Variants in POLR3A observed in about 807,000 individuals in gnomAD.
The protein encoded by POLR3A is RNA polymerase III subunit A.
Under a neutral mutation model 152.8 loss-of-function variants are expected in POLR3A, and 112 were observed. The ratio of observed to expected loss-of-function variants is 0.73; its 90% CI spans 0.63 to 0.86. The LOEUF is 0.86. POLR3A is among the 40% of genes least tolerant of loss of function. The pLI is 0.00. For synonymous variants in POLR3A, 615 were observed against 652.1 expected, an observed-to-expected ratio of 0.94 and a Z score of 0.87; for missense variants, 1,385 against 1,743.1, an observed-to-expected ratio of 0.79 and a Z score of 3.66.
chr10:77,991,080 G>A lies in POLR3A; in HGVS notation c.2875C>T (p.Leu959Phe). Residue 959 changes from leucine (L) to phenylalanine (F), a missense_variant, in exon 21 of 31, where the codon CTC becomes TTC. Around this residue, in one of 7 missense-constraint regions of POLR3A, gnomAD observed 178 missense variants for 204.6 expected, o/e 0.87. Coordinates refer to ENST00000372371, the MANE Select transcript of POLR3A (RefSeq NM_007055.4). ...TGCAGGAAGCTGTCCTGGCAGCAGA[G>A]GAACTCACTCTTCTTCATGATGGAC... ...TESIMKKSEF[L>F]CCQDSFLQEI... 6.2e-7 allele frequency: 1 copy of A among 1,611,380 alleles called. No individual in the cohort carries two copies. The highest frequency in any genetic ancestry group is 1.1e-5 in the South Asian group (1 of 91,020).
rs1847553827 is a variant in POLR3A at position 78,019,185 on chromosome 10, CTGAA to C, written c.1262_1265del (p.Ile421SerfsTer7). On this transcript the variant is annotated frameshift_variant, in exon 9 of 31. Transcript: ENST00000372371. LOFTEE classifies it high-confidence loss of function. ...ACCTTTTCATCTGCGTATGTCTCTG[CTGAA>C]TGAAGTTTGCTCCTGGGTGAACCTC... 1 of 1,612,754 alleles carries C rather than the reference CTGAA, an allele frequency of 6.2e-7. No individual in the cohort carries two copies.
chr10:78,007,402 G>A (rs1351464147), intron 15 of POLR3A, among the ~76,000 whole-genome samples: 1 of 152,214 alleles, frequency 6.6e-6, no homozygotes, highest in African/African-American at 2.4e-5. Context: ...CTTCCACAGG[G>A]ACCTTGGAAG....
intron 10 of POLR3A, 30 bp downstream of exon 10, chr10:78,017,545 A>G: frequency 6.2e-7 from 1 of 1,612,218 alleles, no homozygotes; most frequent in Non-Finnish European, 8.5e-7. Flanking sequence ...TTTCTACGTG[A>G]TGGAAAATTT....
intron 2 of POLR3A, 106 bp downstream of exon 2, chr10:78,025,988 G>A: frequency 7.2e-7 from 1 of 1,390,686 alleles, no homozygotes; most frequent in Non-Finnish European, 1.0e-6. Flanking sequence ...TGTGCAGGGG[G>A]GAATTGAGGA....
intron 19 of POLR3A, among the ~76,000 whole-genome samples, chr10:77,997,669 T>C (rs1161877779): frequency 1.3e-5 from 2 of 152,150 alleles, no homozygotes; most frequent in Non-Finnish European, 2.9e-5. Context: ...TACAAACAAA[T>C]GGAGAACATT....
intron 2 of POLR3A, 91 bp from the exon 3 acceptor site, chr10:78,025,850 T>C: frequency 1.6e-6 from 2 of 1,275,202 alleles, no homozygotes; most frequent in Non-Finnish European, 2.3e-6. Flanking sequence ...CACAGAATCA[T>C]TTCTTTTGCT....
Position 78,026,183 on chromosome 10 carries a change from G to C in POLR3A, c.91C>G (p.Gln31Glu), listed in dbSNP as rs546487084. 4.3e-6 allele frequency: 7 copies of C among 1,614,184 alleles called. No homozygotes were observed. Among genetic ancestry groups the C allele is most frequent in the East Asian group, 4.5e-5 (2 of 44,890 alleles). The change falls in exon 2 of 31, where the codon CAG becomes GAG. Residue 31 changes from glutamine (Q) to glutamate (E), a missense_variant. By Grantham distance (29) the Gln-to-Glu change is conservative. Coordinates refer to ENST00000372371, the MANE Select transcript of POLR3A (RefSeq NM_007055.4). ...TTACTCACAACTTGGATGTGCGCCTGCTGGCGCATCTCCTCAGGTGACTTC... is the reference window on the plus strand; with the variant it reads ...TTACTCACAACTTGGATGTGCGCCTCCTGGCGCATCTCCTCAGGTGACTTC... ...GMKSPEEMRQ[Q>E]AHIQVVSKNL...
At chr10:77,982,348 G>A (rs183094011) in intron 27 of POLR3A, 30 bp from the exon 28 acceptor site, 65 of 1,611,508 alleles carry the variant, frequency 4.0e-5, no homozygotes, top group Non-Finnish European at 4.8e-5. Flanking sequence ...AAGCTGTGAG[G>A]ACGGGGTGAG....
Position 78,021,110 on chromosome 10 carries a change from G to A in POLR3A, c.1185+436C>T, listed in dbSNP as rs112732411. 1.3e-3 allele frequency among the ~76,000 whole-genome samples: 199 copies of A among 152,096 alleles called. 1 individual carries two copies. Among genetic ancestry groups the A allele is most frequent in the Middle Eastern group, 3.4e-3 (1 of 294 alleles). ...CTCCCCAGTAGCTGGGACCACAGGC[G>A]CCTGCCACCACTCCTGGCTAATTTT... is the stretch of plus-strand genomic sequence containing the variant. On this transcript the variant is annotated intron_variant, in intron 8 of 30. Transcript: ENST00000372371.
chr10:77,979,719 A>C (rs1237453416), intron 30 of POLR3A, among the ~76,000 whole-genome samples: 2 of 152,238 alleles, frequency 1.3e-5, no homozygotes, highest in African/African-American at 2.4e-5. Context: ...ACAGGGGCTC[A>C]GCAGGCATTG....
chr10:77,988,324 C>T (rs2131933243), intron 21 of POLR3A, among the ~76,000 whole-genome samples: 1 of 152,100 alleles, frequency 6.6e-6, no homozygotes, highest in East Asian at 1.9e-4. Flanking sequence ...GAGTTGGAGA[C>T]CAGCCTGGCC....
At chr10:77,981,796 G>A (rs1329396602) in intron 28 of POLR3A, among the ~76,000 whole-genome samples, 11 of 150,634 alleles carry the variant, frequency 7.3e-5, no homozygotes, top group African/African-American at 1.2e-4. Context: ...AGGCCGAGGC[G>A]GGCGGATCAT....
intron 8 of POLR3A, chr10:78,020,161 G>A (rs1277417849): frequency 1.5e-5 from 2 of 132,316 alleles, no homozygotes; most frequent in East Asian, 2.2e-4. Context: ...GCAATAGAGT[G>A]AGACTCAGTC....
At position 78,004,731 on chromosome 10, in the gene POLR3A, A is replaced by T. The variant is rs771245697; in HGVS notation, c.2232T>A (p.Ala744=). Residue 744 remains alanine, a synonymous_variant, in exon 16 of 31, where the codon GCT becomes GCA. Transcript: ENST00000372371. ...GKLQQQPGCT[A]EETLEALILK... ...CCGGGCTCACCTCCAGGGTCTCCTCAGCAGTGCAGCCAGGCTGCTGCTGCA... is the reference window on the plus strand; with the variant it reads ...CCGGGCTCACCTCCAGGGTCTCCTCTGCAGTGCAGCCAGGCTGCTGCTGCA... 2.5e-6 allele frequency: 4 copies of T among 1,613,464 alleles called. No homozygotes were observed. Among genetic ancestry groups the T allele is most frequent in the Middle Eastern group, 1.7e-4 (1 of 5,896 alleles).
Position 78,004,806 on chromosome 10 carries a change from G to A in POLR3A, c.2157C>T (p.Ala719=), listed in dbSNP as rs1027534512. Residue 719 remains alanine, a synonymous_variant, in exon 16 of 31, where the codon GCC becomes GCT. Transcript: ENST00000372371. ...LLKAKYELLN[A]GYKKCDEYIE... ...TGTACTCATCACATTTCTTGTAGCC[G>A]GCATTCAGCAACTCATACTTGGCCT... is the stretch of plus-strand genomic sequence containing the variant. 8.7e-6 allele frequency: 14 copies of A among 1,613,760 alleles called. No individual in the cohort carries two copies. Among genetic ancestry groups the A allele is most frequent in the East Asian group, 4.5e-5 (2 of 44,878 alleles).
chr10:78,022,132 G>A lies in POLR3A; in HGVS notation c.885+13C>T. 1.2e-6 allele frequency: 2 copies of A among 1,614,166 alleles called. No individual in the cohort carries two copies. The highest frequency in any genetic ancestry group is 2.2e-5 in the East Asian group (1 of 44,888). On this transcript the variant is annotated intron_variant, in intron 6 of 30. Coordinates refer to ENST00000372371, the MANE Select transcript of POLR3A (RefSeq NM_007055.4). ...TATACTATGAAACTTACAAGGAAAT[G>A]GGAGGCACTGACCTTTTTAATAACA...
intron 17 of POLR3A, 71 bp downstream of exon 17, chr10:78,002,126 T>C: frequency 1.2e-6 from 1 of 828,016 alleles, no homozygotes; most frequent in Non-Finnish European, 2.0e-6. Context: ...GCTGTGACTA[T>C]CACATTTTCT....
At position 77,991,232 on chromosome 10, in the gene POLR3A, G is replaced by A. The variant is rs112195032; in HGVS notation, c.2788-65C>T. 18 of 896,696 alleles carry A rather than the reference G, an allele frequency of 2.0e-5. 1 individual carries two copies. The highest frequency in any genetic ancestry group is 1.3e-4 in the African/African-American group (8 of 61,490). 55.5% of individuals were successfully genotyped at this position (896,696 alleles called of 1,614,324 possible). A position where few individuals can be genotyped will look rare whatever the true frequency, so the allele number is the denominator to read the frequency against. ...ACAGAGAGCAGGCGGTAGTAGATGA[G>A]AGAACTTACAAAGGATAAAATGACC... On this transcript the variant is annotated intron_variant, in intron 20 of 30. Transcript: ENST00000372371.
intron 20 of POLR3A, 60 bp from the exon 21 acceptor site, chr10:77,991,227 G>T: frequency 1.1e-6 from 1 of 929,052 alleles, no homozygotes; most frequent in Non-Finnish European, 1.8e-6. Context: ...GGCGGTAGTA[G>T]ATGAGAGAAC....
Sources: gnomAD v4.1 joint callset for allele counts (sites outside exome capture counted in the v4.1 genomes callset) on GRCh38, gnomAD v4.1.1 for gene constraint, gnomAD v4.1.1 regional missense constraint, MANE v1.5 for transcripts, NCBI Gene and HGNC (gene_info 2026-07-23, HGNC 2026-07-21) for gene names.